KCNIP4: variants seen among roughly 807,000 people sequenced by gnomAD.
KCNIP4 encodes potassium voltage-gated channel interacting protein 4.
Under a neutral mutation model 34.0 loss-of-function variants are expected in KCNIP4, and 12 were observed. The observed-to-expected ratio is 0.35, with a 90% CI of 0.23 to 0.57. The LOEUF (loss-of-function observed/expected upper bound fraction) is 0.57. KCNIP4 is among the 20% of genes least tolerant of loss of function. The pLI, the probability that KCNIP4 is intolerant of heterozygous loss-of-function variation, is 0.83. For missense variants in KCNIP4, 238 were observed against 311.7 expected (o/e 0.76, Z 1.78); for synonymous variants, 124 against 102.2 (o/e 1.21, Z -1.29).
At chr4:21,200,294 GTGTGTGTATATATATACATACATATA>G (rs1756372848) in intron 1 of KCNIP4, among the ~76,000 whole-genome samples, 3 of 147,610 alleles carry the variant, frequency 2.0e-5, no homozygotes, top group East Asian at 4.1e-4. Context: ...GTGTGTGTGT[GTGTGTGTATATATATACATACATATA>G]TGTGTGTATA....
At chr4:21,871,561 A>G (rs1366297996) in intron 1 of KCNIP4, among the ~76,000 whole-genome samples, 5 of 151,854 alleles carry the variant, frequency 3.3e-5, no homozygotes, top group African/African-American at 1.2e-4. Flanking sequence ...CAAACACCAC[A>G]TGTTCTCACT....
intron 1 of KCNIP4, among the ~76,000 whole-genome samples, chr4:21,281,111 G>T (rs1194683333): frequency 6.9e-6 from 1 of 144,572 alleles, no homozygotes; most frequent in Non-Finnish European, 1.5e-5. Context: ...TTTTGAGATG[G>T]AGTCTTGTTC....
chr4:21,280,554 C>T (rs1762713353), intron 1 of KCNIP4, among the ~76,000 whole-genome samples: 1 of 152,148 alleles, frequency 6.6e-6, no homozygotes, highest in Non-Finnish European at 1.5e-5. Flanking sequence ...TTAGAATGAT[C>T]CACTGAAAAT....
intron 1 of KCNIP4, among the ~76,000 whole-genome samples, chr4:20,957,439 A>G (rs1733426466): frequency 6.6e-6 from 1 of 152,174 alleles, no homozygotes; most frequent in Non-Finnish European, 1.5e-5. Context: ...AGGTTGAGTA[A>G]AGGGTCCAAG....
At chr4:21,716,663 CCAA>C (rs1185246533) in intron 1 of KCNIP4, among the ~76,000 whole-genome samples, 2 of 152,090 alleles carry the variant, frequency 1.3e-5, no homozygotes, top group Non-Finnish European at 2.9e-5. Flanking sequence ...ATGTTTACCC[CCAA>C]CGAGTGAGTC....
chr4:21,560,563 T>A (rs1739426191), intron 1 of KCNIP4, among the ~76,000 whole-genome samples: 1 of 152,118 alleles, frequency 6.6e-6, no homozygotes, highest in Non-Finnish European at 1.5e-5. Flanking sequence ...GTTAAGCAAC[T>A]TTTTGTGACT....
At chr4:21,710,335 T>C (rs552636759) in intron 1 of KCNIP4, among the ~76,000 whole-genome samples, 1 of 152,250 alleles carries the variant, frequency 6.6e-6, no homozygotes, top group Admixed American at 6.5e-5. Context: ...ACCCTTCTCA[T>C]CAGAGAAGCG....
chr4:21,064,134 T>C (rs895374705), intron 1 of KCNIP4, among the ~76,000 whole-genome samples: 2 of 152,188 alleles, frequency 1.3e-5, no homozygotes, highest in Non-Finnish European at 2.9e-5. Context: ...AATTTCATAC[T>C]GACAGCCTTT....
At chr4:21,657,697 T>G (rs1748079168) in intron 1 of KCNIP4, among the ~76,000 whole-genome samples, 1 of 152,128 alleles carries the variant, frequency 6.6e-6, no homozygotes, top group African/African-American at 2.4e-5. Flanking sequence ...TTTCTTTGAG[T>G]CAATGTGTAA....
intron 1 of KCNIP4, among the ~76,000 whole-genome samples, chr4:21,445,237 C>A (rs973427002): frequency 4.6e-5 from 7 of 152,174 alleles, no homozygotes; most frequent in Non-Finnish European, 8.8e-5. Context: ...CCCCATCAAG[C>A]TACCAATGAC....
chr4:21,209,597 C>CTCTATCTA (rs547084193), intron 1 of KCNIP4, among the ~76,000 whole-genome samples: 30 of 152,008 alleles, frequency 2.0e-4, no homozygotes, highest in African/African-American at 6.8e-4. Flanking sequence ...TAGGTCATAT[C>CTCTATCTA]TCTATCTATC....
intron 4 of KCNIP4, among the ~76,000 whole-genome samples, chr4:20,750,081 C>A (rs1453392015): frequency 6.6e-6 from 1 of 152,162 alleles, no homozygotes; most frequent in Non-Finnish European, 1.5e-5. Context: ...AAGAGACCAT[C>A]TCTAGAAGTA....
At chr4:21,718,087 C>G (rs1714525877) in intron 1 of KCNIP4, among the ~76,000 whole-genome samples, 1 of 152,206 alleles carries the variant, frequency 6.6e-6, no homozygotes, top group South Asian at 2.1e-4. Flanking sequence ...AACTTTATAA[C>G]TTCTGAGAAC....
chr4:21,708,163 C>T (rs1713437929), intron 1 of KCNIP4, among the ~76,000 whole-genome samples: 2 of 152,090 alleles, frequency 1.3e-5, no homozygotes, highest in South Asian at 4.1e-4. Flanking sequence ...CCTGACAAAA[C>T]ACATGTAGTT....
intron 1 of KCNIP4, among the ~76,000 whole-genome samples, chr4:21,772,881 G>A (rs1227682556): frequency 2.0e-5 from 3 of 151,842 alleles, no homozygotes; most frequent in Non-Finnish European, 4.4e-5. Flanking sequence ...TCCTGGATTT[G>A]TTTATTTCTT....
At chr4:21,092,711 G>T (rs564994590) in intron 1 of KCNIP4, among the ~76,000 whole-genome samples, 1 of 152,152 alleles carries the variant, frequency 6.6e-6, no homozygotes, top group Non-Finnish European at 1.5e-5. Flanking sequence ...CCCAGATGAG[G>T]GGCAGGGAGC....
At chr4:21,294,647 C>A (rs1192928497) in intron 1 of KCNIP4, among the ~76,000 whole-genome samples, 1 of 152,076 alleles carries the variant, frequency 6.6e-6, no homozygotes, top group African/African-American at 2.4e-5. Context: ...AATGATCACT[C>A]TATTATAGAT....
At chr4:20,971,003 T>A (rs1734892585) in intron 1 of KCNIP4, among the ~76,000 whole-genome samples, 1 of 152,214 alleles carries the variant, frequency 6.6e-6, no homozygotes, top group African/African-American at 2.4e-5. Context: ...CAAAGGAGGC[T>A]TTCTGGAAAA....
At chr4:21,115,386 C>G (rs7695039) in intron 1 of KCNIP4, among the ~76,000 whole-genome samples, 44,818 of 151,944 alleles carry the variant, frequency 0.29, 7,352 homozygotes, top group African/African-American at 0.45. Context: ...TCAAAACACA[C>G]TATGAAACTC....
Sources: allele counts gnomAD v4.1 joint callset (sites outside exome capture counted in the v4.1 genomes callset), GRCh38; gene constraint gnomAD v4.1.1; transcripts MANE v1.5; gene names NCBI Gene and HGNC (gene_info 2026-07-23, HGNC 2026-07-21).